The following MSRA variants were observed in gnomAD, a reference collection of about 807,000 sequenced individuals.
MSRA encodes the protein mitochondrial peptide methionine sulfoxide reductase.
In MSRA, 54 loss-of-function variants were observed where a neutral mutation model predicts 31.3. That is an observed-to-expected ratio of 1.73 (90% CI 1.39 to 2.17). The LOEUF is 2.17. Ranked by LOEUF, MSRA falls within the 30% of genes most tolerant of loss-of-function variation. The probability of loss-of-function intolerance (pLI) is 0.00; values close to 1 mark genes in which losing one functional copy is unlikely to be tolerated. For missense variants in MSRA, 507 were observed against 300.9 expected (o/e 1.69, Z -5.07); for synonymous variants, 169 against 116.5 (o/e 1.45, Z -2.90).
At chr8:10,333,620 A>T (rs998086451) in intron 5 of MSRA, among the ~76,000 whole-genome samples, 1 of 152,156 alleles carries the variant, frequency 6.6e-6, no homozygotes. Flanking sequence ...AGTTATAAGG[A>T]TGATATGGTG....
At chr8:10,320,688 C>T (rs1444500145) in intron 5 of MSRA, among the ~76,000 whole-genome samples, 1 of 152,152 alleles carries the variant, frequency 6.6e-6, no homozygotes, top group Non-Finnish European at 1.5e-5. Context: ...TATTTTCTCA[C>T]AATTCTGGAG....
chr8:10,244,751 G>C (rs906294741), intron 2 of MSRA, among the ~76,000 whole-genome samples: 1 of 152,126 alleles, frequency 6.6e-6, no homozygotes, highest in African/African-American at 2.4e-5. Flanking sequence ...GGATCATTCA[G>C]TAAATTTTCT....
chr8:10,240,978 G>A (rs2952233), intron 2 of MSRA, among the ~76,000 whole-genome samples: 1 of 152,060 alleles, frequency 6.6e-6, no homozygotes, highest in Non-Finnish European at 1.5e-5. Flanking sequence ...TATTCGTGCA[G>A]CTCACGCGTG....
chr8:10,365,581 C>T (rs1441232291), intron 5 of MSRA, among the ~76,000 whole-genome samples: 3 of 152,152 alleles, frequency 2.0e-5, no homozygotes, highest in Non-Finnish European at 4.4e-5. Context: ...CCTGATTCTC[C>T]CCCAAAATAG....
At chr8:10,151,166 C>T (rs74862724) in intron 1 of MSRA, among the ~76,000 whole-genome samples, 4,487 of 150,224 alleles carry the variant, frequency 0.03, 218 homozygotes, top group African/African-American at 0.1. Context: ...GGAGGTGAGC[C>T]GAGCTCACCA....
rs573326828 is a variant in MSRA at position 10,191,207 on chromosome 8, A to G, written c.143-16626A>G. On this transcript the variant is annotated intron_variant, in intron 1 of 5. Transcript: ENST00000317173. ...CAAAAGGGAAAAAACATATTTTACTATAGACATCATTATGAATAGGAATAA... is the reference window on the plus strand; with the variant it reads ...CAAAAGGGAAAAAACATATTTTACTGTAGACATCATTATGAATAGGAATAA... Among the ~76,000 whole-genome samples, 44 of 152,298 alleles carry G rather than the reference A, an allele frequency of 2.9e-4. 1 individual carries two copies. The East Asian group carries it at 4.6e-3, about 16-fold the overall frequency.
At chr8:10,359,739 G>C (rs1485801553) in intron 5 of MSRA, among the ~76,000 whole-genome samples, 2 of 151,916 alleles carry the variant, frequency 1.3e-5, no homozygotes, top group South Asian at 2.1e-4. Flanking sequence ...GATGGAGGAC[G>C]ATCTCAGATG....
intron 3 of MSRA, among the ~76,000 whole-genome samples, chr8:10,283,173 T>A: frequency 1.4e-5 from 1 of 73,946 alleles, no homozygotes; most frequent in African/African-American, 5.7e-5. Flanking sequence ...CTCACCCTTC[T>A]CTTTGCTGGG....
intron 1 of MSRA, among the ~76,000 whole-genome samples, chr8:10,136,854 G>A (rs1270666810): frequency 1.3e-5 from 2 of 152,146 alleles, no homozygotes; most frequent in Non-Finnish European, 2.9e-5. Flanking sequence ...TGTAAAATTA[G>A]AACTTGTGTC....
intron 1 of MSRA, among the ~76,000 whole-genome samples, chr8:10,094,313 T>G (rs1799009178): frequency 6.6e-6 from 1 of 152,198 alleles, no homozygotes; most frequent in African/African-American, 2.4e-5. Flanking sequence ...CTTAATAGAT[T>G]TGTTGGACAG....
At chr8:10,411,343 G>C (rs879719565) in intron 5 of MSRA, 4 of 152,190 alleles carry the variant, frequency 2.6e-5, no homozygotes, top group Admixed American at 2.6e-4. Context: ...ACTGACAAAA[G>C]CTTCTTTTCT....
chr8:10,211,598 A>T (rs565900290), intron 2 of MSRA, among the ~76,000 whole-genome samples: 1 of 152,044 alleles, frequency 6.6e-6, no homozygotes, highest in South Asian at 2.1e-4. Context: ...CTTGGCTCTC[A>T]CCCATTTGAT....
Position 10,319,878 on chromosome 8 carries a change from C to G in MSRA, c.437-5C>G. 6.6e-7 allele frequency: 1 copy of G among 1,517,208 alleles called. No homozygotes were observed. The highest frequency in any genetic ancestry group is 8.9e-7 in the Non-Finnish European group (1 of 1,127,766). The allele number at this position is 1,517,208 out of a possible 1,614,324, so 94.0% of individuals were successfully genotyped here. A position where few individuals can be genotyped will look rare whatever the true frequency, so the allele number is the denominator to read the frequency against. On this transcript the variant is annotated splice_polypyrimidine_tract_variant and splice_region_variant and intron_variant, in intron 4 of 5. Coordinates refer to ENST00000317173, the MANE Select transcript of MSRA (RefSeq NM_012331.5). ...GGTAACCCTCCCTGTTTTCTGCTTT[C>G]CTAGGTATGCGCCAGGGGAACGACC... is the stretch of plus-strand genomic sequence containing the variant.
intron 3 of MSRA, among the ~76,000 whole-genome samples, chr8:10,275,900 A>C (rs1799294974): frequency 6.6e-6 from 1 of 152,172 alleles, no homozygotes; most frequent in Non-Finnish European, 1.5e-5. Flanking sequence ...TTTGTTTTTA[A>C]CCTACTTTTT....
chr8:10,307,169 ATTTT>A (rs5889329), intron 4 of MSRA, among the ~76,000 whole-genome samples: 4 of 133,020 alleles, frequency 3.0e-5, no homozygotes, highest in Non-Finnish European at 6.5e-5. Context: ...AAGGATGCAC[ATTTT>A]TTTTTTTTTT....
intron 1 of MSRA, among the ~76,000 whole-genome samples, chr8:10,121,797 A>C (rs777111795): frequency 2.0e-5 from 3 of 151,752 alleles, no homozygotes; most frequent in Non-Finnish European, 2.9e-5. Context: ...CAGCCTCCCA[A>C]GTAGCTGGAA....
chr8:10,066,990 A>T (rs894610943), intron 1 of MSRA, among the ~76,000 whole-genome samples: 1 of 151,972 alleles, frequency 6.6e-6, no homozygotes, highest in Non-Finnish European at 1.5e-5. Flanking sequence ...TTTAGTTACA[A>T]TTGATGAGCC....
intron 1 of MSRA, among the ~76,000 whole-genome samples, chr8:10,077,706 G>C (rs1798064990): frequency 6.6e-6 from 1 of 151,822 alleles, no homozygotes; most frequent in South Asian, 2.1e-4. Context: ...CTCGCTTTCT[G>C]AGGCTTCTGA....
chr8:10,412,114 C>T (rs867840930), intron 5 of MSRA, among the ~76,000 whole-genome samples: 25 of 152,168 alleles, frequency 1.6e-4, no homozygotes, highest in African/African-American at 4.3e-4. Flanking sequence ...ACATTTTTTT[C>T]GCCATTCATA....
Sources: gnomAD v4.1 joint callset for allele counts (sites outside exome capture counted in the v4.1 genomes callset) on GRCh38, gnomAD v4.1.1 for gene constraint, MANE v1.5 for transcripts, NCBI Gene and HGNC (gene_info 2026-07-23, HGNC 2026-07-21) for gene names.